CNTNAP2: variants seen among roughly 807,000 people sequenced by gnomAD.
CNTNAP2 encodes the protein contactin associated protein 2.
In CNTNAP2, 98 loss-of-function variants were observed where a neutral mutation model predicts 155.2. The ratio of observed to expected loss-of-function variants is 0.63; its 90% CI spans 0.54 to 0.75. The LOEUF is 0.75. Ranked by LOEUF, CNTNAP2 falls within the 30% of genes least tolerant of loss-of-function variation. CNTNAP2 has a pLI of 0.00. For missense variants in CNTNAP2, 1,727 were observed against 1,688.1 expected, an observed-to-expected ratio of 1.02 and a Z score of -0.40; for synonymous variants, 651 against 631.2, an observed-to-expected ratio of 1.03 and a Z score of -0.47.
intron 1 of CNTNAP2, among the ~76,000 whole-genome samples, chr7:146,212,958 A>T (rs1799058828): frequency 6.6e-6 from 1 of 152,154 alleles, no homozygotes; most frequent in African/African-American, 2.4e-5. Flanking sequence ...TGTGCTTAAC[A>T]GTGTTCCTCA....
chr7:147,584,781 T>C (rs1800584768), intron 12 of CNTNAP2, among the ~76,000 whole-genome samples: 1 of 152,200 alleles, frequency 6.6e-6, no homozygotes, highest in Admixed American at 6.5e-5. Flanking sequence ...AGCTCTGTTT[T>C]GAAGAGGCTA....
chr7:147,055,747 T>C (rs534763438), intron 4 of CNTNAP2, among the ~76,000 whole-genome samples: 1 of 152,202 alleles, frequency 6.6e-6, no homozygotes, highest in East Asian at 1.9e-4. Flanking sequence ...GTGATTGGCT[T>C]GTTCGAATAA....
At position 147,692,688 on chromosome 7, in the gene CNTNAP2, G is replaced by C. The variant is rs533775278; in HGVS notation, c.2098+53382G>C. On this transcript the variant is annotated intron_variant, in intron 13 of 23. Coordinates refer to ENST00000361727, the MANE Select transcript of CNTNAP2 (RefSeq NM_014141.6). ...GTTAAGATACGGACCATTTTTAATT[G>C]AGTTGTTTTCTTATTATTGTGTTTT... Among the ~76,000 whole-genome samples, 3 of 152,094 alleles carry C rather than the reference G, an allele frequency of 2.0e-5. No individual in the cohort carries two copies. In the South Asian group the frequency reaches 6.2e-4, roughly 32 times the overall value.
chr7:147,925,154 A>G (rs201227506), intron 14 of CNTNAP2, among the ~76,000 whole-genome samples: 53 of 63,336 alleles, frequency 8.4e-4, no homozygotes, highest in East Asian at 5.3e-3. Context: ...AGAGAGAGAG[A>G]GAAGGAAGGA....
chr7:148,155,909 C>T (rs145214125), intron 17 of CNTNAP2, among the ~76,000 whole-genome samples: 1 of 152,262 alleles, frequency 6.6e-6, no homozygotes, highest in Non-Finnish European at 1.5e-5. Context: ...ACACTGGGTG[C>T]TCCCACAGCT....
chr7:146,874,186 T>C (rs938355841), intron 3 of CNTNAP2, among the ~76,000 whole-genome samples: 3 of 152,060 alleles, frequency 2.0e-5, no homozygotes, highest in African/African-American at 7.2e-5. Context: ...ATATAAAAGA[T>C]CCTGAATATA....
intron 13 of CNTNAP2, among the ~76,000 whole-genome samples, chr7:147,737,560 T>C (rs146385498): frequency 0.03 from 4,636 of 152,112 alleles, 123 homozygotes; most frequent in Non-Finnish European, 0.045. Context: ...GACAGGGACA[T>C]TTAAGTCTGC....
chr7:146,912,442 T>C (rs1361152906), intron 3 of CNTNAP2, among the ~76,000 whole-genome samples: 1 of 152,144 alleles, frequency 6.6e-6, no homozygotes, highest in Non-Finnish European at 1.5e-5. Flanking sequence ...AAAAGATAAA[T>C]ACAATTTTGT....
intron 1 of CNTNAP2, among the ~76,000 whole-genome samples, chr7:146,770,480 A>G (rs1802275314): frequency 6.6e-6 from 1 of 152,038 alleles, no homozygotes; most frequent in Non-Finnish European, 1.5e-5. Context: ...TAATATGATT[A>G]TAGATTATGT....
chr7:147,253,403 T>TTTTTC (rs34345327), intron 8 of CNTNAP2, among the ~76,000 whole-genome samples: 2 of 150,262 alleles, frequency 1.3e-5, no homozygotes, highest in Non-Finnish European at 3.0e-5. Flanking sequence ...TTTTTTTTTT[T>TTTTTC]AGAAAAAGAT....
intron 12 of CNTNAP2, among the ~76,000 whole-genome samples, chr7:147,594,312 G>T (rs2116849162): frequency 6.6e-6 from 1 of 152,066 alleles, no homozygotes; most frequent in African/African-American, 2.4e-5. Flanking sequence ...TCTTGGGTTT[G>T]ATCTTCTGCT....
At chr7:147,330,654 A>C (rs551816762) in intron 9 of CNTNAP2, among the ~76,000 whole-genome samples, 1 of 152,200 alleles carries the variant, frequency 6.6e-6, no homozygotes, top group Non-Finnish European at 1.5e-5. Flanking sequence ...CTTTACTCCC[A>C]AACTTATAAC....
At chr7:147,785,473 G>A (rs1334895098) in intron 13 of CNTNAP2, among the ~76,000 whole-genome samples, 1 of 152,118 alleles carries the variant, frequency 6.6e-6, no homozygotes, top group Non-Finnish European at 1.5e-5. Flanking sequence ...GGGAAAGCCA[G>A]AACAAAGTAG....
At chr7:147,860,591 A>G (rs1388242754) in intron 13 of CNTNAP2, among the ~76,000 whole-genome samples, 2 of 144,376 alleles carry the variant, frequency 1.4e-5, no homozygotes, top group Non-Finnish European at 3.1e-5. Context: ...CTCTGTCTCA[A>G]AAAAAAAAAA....
chr7:147,619,281 A>T (rs913010677), intron 12 of CNTNAP2, among the ~76,000 whole-genome samples: 3 of 152,258 alleles, frequency 2.0e-5, no homozygotes, highest in Non-Finnish European at 4.4e-5. Context: ...TGCATAAATG[A>T]TAACACATAT....
At chr7:147,506,317 G>T (rs186909236) in intron 11 of CNTNAP2, among the ~76,000 whole-genome samples, 3 of 152,120 alleles carry the variant, frequency 2.0e-5, no homozygotes, top group Non-Finnish European at 4.4e-5. Flanking sequence ...GTGCAATGGC[G>T]CGATCTCGGC....
chr7:148,274,010 A>G (rs575303835), intron 21 of CNTNAP2, among the ~76,000 whole-genome samples: 43 of 152,302 alleles, frequency 2.8e-4, no homozygotes, highest in African/African-American at 1.0e-3. Flanking sequence ...GAAATCATAT[A>G]CTGTGATAAC....
intron 13 of CNTNAP2, among the ~76,000 whole-genome samples, chr7:147,685,156 T>G (rs1434690924): frequency 6.6e-6 from 1 of 152,032 alleles, no homozygotes; most frequent in Non-Finnish European, 1.5e-5. Context: ...CCTGGGTCTA[T>G]TTGCCATATG....
chr7:146,805,589 G>A (rs1375565100), intron 2 of CNTNAP2, among the ~76,000 whole-genome samples: 3 of 152,122 alleles, frequency 2.0e-5, no homozygotes, highest in Non-Finnish European at 4.4e-5. Flanking sequence ...AACAGCAAGA[G>A]GGAGGGATGG....
Sources: gnomAD v4.1 joint callset for allele counts (sites outside exome capture counted in the v4.1 genomes callset) on GRCh38, gnomAD v4.1.1 for gene constraint, MANE v1.5 for transcripts, NCBI Gene and HGNC (gene_info 2026-07-23, HGNC 2026-07-21) for gene names.